ROBO1: variants seen among roughly 807,000 people sequenced by gnomAD.
The protein encoded by ROBO1 is roundabout homolog 1.
ROBO1 carries 149 observed loss-of-function variants against 195.9 expected under a neutral mutation model. That is an observed-to-expected ratio of 0.76 (90% CI 0.67 to 0.87). The LOEUF (loss-of-function observed/expected upper bound fraction) is 0.87, where lower values mean the gene tolerates loss of function less well. Among genes scored for constraint, ROBO1 ranks in the 40% least tolerant of loss-of-function variants. ROBO1 has a pLI of 0.00. For synonymous variants in ROBO1, 816 were observed against 733.2 expected, an observed-to-expected ratio of 1.11 and a Z score of -1.82; for missense variants, 1,933 against 2,068.3, an observed-to-expected ratio of 0.93 and a Z score of 1.27.
At chr3:79,123,872 T>G (rs1015037700) in intron 3 of ROBO1, among the ~76,000 whole-genome samples, 1 of 152,100 alleles carries the variant, frequency 6.6e-6, no homozygotes, top group African/African-American at 2.4e-5. Flanking sequence ...ATGCTATATT[T>G]AATCTGAAAT....
intron 1 of ROBO1, among the ~76,000 whole-genome samples, chr3:79,613,686 G>A (rs1290317882): frequency 6.6e-6 from 1 of 152,030 alleles, no homozygotes; most frequent in Admixed American, 6.6e-5. Flanking sequence ...CTGGCCAACT[G>A]TTTTAGATAT....
At chr3:79,579,383 A>G (rs1458587365) in intron 2 of ROBO1, among the ~76,000 whole-genome samples, 1 of 152,176 alleles carries the variant, frequency 6.6e-6, no homozygotes, top group Non-Finnish European at 1.5e-5. Context: ...GTGAAGCAGA[A>G]ATTATGCTAC....
chr3:79,559,346 A>G (rs1008179771), intron 2 of ROBO1, among the ~76,000 whole-genome samples: 2 of 152,164 alleles, frequency 1.3e-5, no homozygotes, highest in Non-Finnish European at 2.9e-5. Context: ...CTTTTAACAT[A>G]CCTGTTGTTC....
At chr3:79,071,960 C>T (rs2079098684) in intron 3 of ROBO1, among the ~76,000 whole-genome samples, 2 of 151,840 alleles carry the variant, frequency 1.3e-5, no homozygotes, top group African/African-American at 4.8e-5. Context: ...TCATGTCCTA[C>T]TGAAACTGCT....
intron 4 of ROBO1, among the ~76,000 whole-genome samples, chr3:78,776,493 AC>A (rs2083511298): frequency 1.3e-5 from 2 of 152,002 alleles, no homozygotes; most frequent in African/African-American, 4.8e-5. Flanking sequence ...CACGTGATCC[AC>A]CCACCTTGGC....
At chr3:79,617,718 A>G (rs1355493839) in intron 1 of ROBO1, among the ~76,000 whole-genome samples, 2 of 151,794 alleles carry the variant, frequency 1.3e-5, no homozygotes, top group African/African-American at 4.8e-5. Context: ...ACCAACAGGG[A>G]ATTCTGAAAT....
At position 79,266,235 on chromosome 3, in the gene ROBO1, G is replaced by A. The variant is rs193262977; in HGVS notation, c.89-140696C>T. ...TGCATGTCAGTCAGAAGAAAATCCA[G>A]CGAGAGCTCAAATACATGTTATTTC... On this transcript the variant is annotated intron_variant, in intron 2 of 30. Transcript: ENST00000464233. Among the ~76,000 whole-genome samples, 704 of 151,678 alleles carry A rather than the reference G, an allele frequency of 4.6e-3. 12 individuals are homozygous for A. Among genetic ancestry groups the A allele is most frequent in the African/African-American group, 0.016 (668 of 41,496 alleles).
At chr3:78,916,848 A>G (rs1371222970) in intron 4 of ROBO1, among the ~76,000 whole-genome samples, 1 of 152,166 alleles carries the variant, frequency 6.6e-6, no homozygotes, top group Admixed American at 6.5e-5. Context: ...TGAAGAAAAC[A>G]AAAGAAGCCC....
chr3:79,672,953 C>G (rs776949924), intron 1 of ROBO1, among the ~76,000 whole-genome samples: 6 of 151,894 alleles, frequency 4.0e-5, no homozygotes, highest in African/African-American at 1.4e-4. Flanking sequence ...AATAACTGAT[C>G]TTTTGTAAGA....
At chr3:79,066,076 T>G (rs2078998043) in intron 3 of ROBO1, among the ~76,000 whole-genome samples, 1 of 151,860 alleles carries the variant, frequency 6.6e-6, no homozygotes, top group South Asian at 2.1e-4. Flanking sequence ...CAGAATCAAT[T>G]TACAGAAAAT....
intron 1 of ROBO1, among the ~76,000 whole-genome samples, chr3:79,766,786 A>T (rs1400437761): frequency 2.0e-5 from 3 of 152,178 alleles, no homozygotes; most frequent in African/African-American, 7.2e-5. Context: ...AGGAGCAAGA[A>T]GGGGCCCCAG....
chr3:79,333,620 C>T (rs1004243238), intron 2 of ROBO1, among the ~76,000 whole-genome samples: 3 of 152,162 alleles, frequency 2.0e-5, no homozygotes, highest in Non-Finnish European at 4.4e-5. Context: ...TTGCTCATTC[C>T]ATCCACCCAC....
At chr3:79,475,676 T>C (rs967334028) in intron 2 of ROBO1, among the ~76,000 whole-genome samples, 13 of 152,204 alleles carry the variant, frequency 8.5e-5, no homozygotes, top group Middle Eastern at 3.4e-3. Flanking sequence ...GGTTTTATTA[T>C]TGTGTTTAAA....
chr3:79,677,111 C>G (rs2106942764), intron 1 of ROBO1, among the ~76,000 whole-genome samples: 1 of 152,082 alleles, frequency 6.6e-6, no homozygotes, highest in African/African-American at 2.4e-5. Flanking sequence ...ACTCCCCTCT[C>G]CTTGAGTGTG....
intron 1 of ROBO1, among the ~76,000 whole-genome samples, chr3:79,735,881 A>C (rs908698682): frequency 2.0e-4 from 20 of 98,020 alleles, no homozygotes; most frequent in South Asian, 4.1e-4. Context: ...AAAAAAAAAA[A>C]AAAAACAAAA....
chr3:78,698,758 A>T (rs544225404), intron 8 of ROBO1, among the ~76,000 whole-genome samples: 1 of 152,318 alleles, frequency 6.6e-6, no homozygotes, highest in African/African-American at 2.4e-5. Context: ...CAGAATACTA[A>T]CATATATTTA....
At chr3:79,673,606 G>A (rs927198891) in intron 1 of ROBO1, among the ~76,000 whole-genome samples, 1 of 151,912 alleles carries the variant, frequency 6.6e-6, no homozygotes, top group Non-Finnish European at 1.5e-5. Context: ...TTGAGAAAAA[G>A]GGTTGAAAGG....
At chr3:79,757,393 A>C (rs1397524916) in intron 1 of ROBO1, among the ~76,000 whole-genome samples, 1 of 152,140 alleles carries the variant, frequency 6.6e-6, no homozygotes, top group African/African-American at 2.4e-5. Context: ...CAAGTGTCTC[A>C]AATGAGGACA....
intron 1 of ROBO1, among the ~76,000 whole-genome samples, chr3:79,727,608 C>T (rs991001320): frequency 2.0e-5 from 3 of 152,062 alleles, no homozygotes; most frequent in Non-Finnish European, 2.9e-5. Context: ...GGCATCTCTG[C>T]TATTTTAAAG....
Sources: allele counts gnomAD v4.1 joint callset (sites outside exome capture counted in the v4.1 genomes callset), GRCh38; gene constraint gnomAD v4.1.1; transcripts MANE v1.5; gene names NCBI Gene and HGNC (gene_info 2026-07-23, HGNC 2026-07-21).